HNF4G: variants seen among roughly 807,000 people sequenced by gnomAD.
The protein encoded by HNF4G is hepatocyte nuclear factor 4 gamma.
HNF4G carries 21 observed loss-of-function variants against 50.9 expected under a neutral mutation model. That is an observed-to-expected ratio of 0.41 (90% CI 0.29 to 0.59). The LOEUF is 0.59. Ranked by LOEUF, HNF4G falls within the 20% of genes least tolerant of loss-of-function variation. The pLI, the probability that HNF4G is intolerant of heterozygous loss-of-function variation, is 0.26. For missense variants in HNF4G, 527 were observed against 559.4 expected (o/e 0.94, Z 0.58); for synonymous variants, 198 against 185.6 (o/e 1.07, Z -0.54).
intron 1 of HNF4G, among the ~76,000 whole-genome samples, chr8:75,454,126 T>C (rs1585858278): frequency 8.5e-6 from 1 of 117,330 alleles, no homozygotes; most frequent in Non-Finnish European, 1.7e-5. Context: ...TCTCCTCCTC[T>C]CCCCCACTCC....
rs1563546686 is a variant in HNF4G, at chr8:75,539,972, G to A, written c.10G>A (p.Val4Ile). The A allele has an allele frequency of 7.0e-6, 10 of 1,422,076 alleles. No individual in the cohort carries two copies. In the South Asian group the frequency reaches 9.2e-5, roughly 13 times the overall value. 88.1% of individuals were successfully genotyped at this position (1,422,076 alleles called of 1,614,324 possible). Residue 4 changes from valine to isoleucine, a missense_variant, in exon 1 of 10, where the codon GTA becomes ATA. Val to Ile is a conservative substitution (Grantham distance 29, BLOSUM62 3). Around this residue, in one of 5 missense-constraint regions of HNF4G, gnomAD observed 84 missense variants for 87.1 expected, o/e 0.96. Transcript: ENST00000396423. MMR[V>I]SEPILDMDMA... ...GTGTGTTTCTAAATCAATGATGAGG[G>A]TATCAGAACCAATACTGGACATGGA...
intron 2 of HNF4G, among the ~76,000 whole-genome samples, chr8:75,533,158 C>T (rs950622015): frequency 2.6e-5 from 4 of 152,016 alleles, no homozygotes; most frequent in Admixed American, 2.6e-4. Context: ...TTTATTCACA[C>T]TTTCAGTAAG....
At chr8:75,531,849 A>G (rs547825028) in intron 2 of HNF4G, among the ~76,000 whole-genome samples, 19 of 152,132 alleles carry the variant, frequency 1.2e-4, no homozygotes, top group Non-Finnish European at 2.5e-4. Flanking sequence ...CCACAGGGTT[A>G]CTGAAACTGC....
chr8:75,447,340 C>T (rs1457261961), intron 1 of HNF4G, among the ~76,000 whole-genome samples: 4 of 94,764 alleles, frequency 4.2e-5, no homozygotes, highest in Non-Finnish European at 8.2e-5. Flanking sequence ...TAGAAGAAAA[C>T]CTAGGCATTA....
intron 1 of HNF4G, among the ~76,000 whole-genome samples, chr8:75,465,048 G>C (rs1429636998): frequency 6.6e-6 from 1 of 152,160 alleles, no homozygotes; most frequent in East Asian, 1.9e-4. Flanking sequence ...CTTCAATAGA[G>C]GGAGTAGTCA....
chr8:75,463,787 T>C (rs1811906842), intron 1 of HNF4G, among the ~76,000 whole-genome samples: 1 of 151,702 alleles, frequency 6.6e-6, no homozygotes, highest in South Asian at 2.1e-4. Context: ...TTTTTTTTTT[T>C]TTTTGAGACA....
At position 75,566,707 on chromosome 8, in the gene HNF4G, TA is replaced by T. The variant is rs1807469143; in HGVS notation, c.*2612del. ...AATGTATAATTATTTTTATAAATTT[TA>T]TTGTTGGAAATCAAAAATTAGTAGA... On this transcript the variant is annotated 3_prime_UTR_variant, in exon 10 of 10. Transcript: ENST00000396423. The T allele has an allele frequency of 6.6e-6, 1 of 152,506 alleles. No individual in the cohort carries two copies. The highest frequency in any genetic ancestry group is 1.9e-4 in the East Asian group (1 of 5,192). 9.4% of individuals were successfully genotyped at this position (152,506 alleles called of 1,614,324 possible). A position where few individuals can be genotyped will look rare whatever the true frequency, so the allele number is the denominator to read the frequency against.
At chr8:75,477,629 T>A (rs555165551) in intron 1 of HNF4G, among the ~76,000 whole-genome samples, 3 of 152,030 alleles carry the variant, frequency 2.0e-5, no homozygotes, top group Admixed American at 2.0e-4. Flanking sequence ...CATTTCTTTG[T>A]ATTACTATTT....
chr8:75,554,189 C>G (rs1016443814), intron 5 of HNF4G, among the ~76,000 whole-genome samples: 1 of 152,068 alleles, frequency 6.6e-6, no homozygotes, highest in Non-Finnish European at 1.5e-5. Flanking sequence ...GATAGCATGG[C>G]TCAGAAGGTT....
rs978477055 is a variant in HNF4G, at chr8:75,466,186, C to A, written c.-143-23903C>A. Among the ~76,000 whole-genome samples, 11 of 152,208 alleles carry A rather than the reference C, an allele frequency of 7.2e-5. No individual in the cohort carries two copies. In the East Asian group the frequency reaches 1.5e-3, roughly 21 times the overall value. On this transcript the variant is annotated intron_variant, in intron 1 of 10. Transcript: ENST00000354370. ...TGTCTAACTTCATAATGCTAGAATT[C>A]TGTTCCTTTATACTCATACCAAAAT...
chr8:75,421,564 G>A (rs982233296), intron 1 of HNF4G, among the ~76,000 whole-genome samples: 4 of 152,192 alleles, frequency 2.6e-5, no homozygotes, highest in Admixed American at 2.6e-4. Context: ...AGTTTACACT[G>A]GAGAGTTGAC....
chr8:75,508,561 C>A (rs1805663806), intron 2 of HNF4G, among the ~76,000 whole-genome samples: 1 of 152,074 alleles, frequency 6.6e-6, no homozygotes. Flanking sequence ...CTCGTTTTTT[C>A]AGCTAGTAGG....
chr8:75,455,095 A>G (rs1355346182), intron 1 of HNF4G, among the ~76,000 whole-genome samples: 1 of 152,144 alleles, frequency 6.6e-6, no homozygotes, highest in East Asian at 1.9e-4. Context: ...GTATTATTCT[A>G]TCTCATCAAA....
At chr8:75,451,177 G>A (rs117680870) in intron 1 of HNF4G, among the ~76,000 whole-genome samples, 5 of 151,952 alleles carry the variant, frequency 3.3e-5, no homozygotes, top group East Asian at 1.9e-4. Context: ...CATTTTGGGG[G>A]GATTACTTGT....
intron 2 of HNF4G, among the ~76,000 whole-genome samples, chr8:75,528,542 A>G (rs1806241200): frequency 1.3e-5 from 2 of 152,194 alleles, no homozygotes; most frequent in Admixed American, 6.5e-5. Flanking sequence ...TTGAAAAATG[A>G]GGTCCCTCAT....
Position 75,518,525 on chromosome 8 carries a change from T to C in HNF4G, c.-23-25286T>C, listed in dbSNP as rs1004032987. On this transcript the variant is annotated intron_variant, in intron 2 of 10. Transcript: ENST00000354370. Reference sequence around the variant, plus strand: ...TAAATCATGCTGCTATAAAGACACATGCACACATATGTTTATTGCGGCACT... The same window carrying C: ...TAAATCATGCTGCTATAAAGACACACGCACACATATGTTTATTGCGGCACT... Among the ~76,000 whole-genome samples the C allele has an allele frequency of 2.0e-5, 3 of 152,142 alleles. No homozygotes were observed. The South Asian group carries it at 6.2e-4, about 31-fold the overall frequency.
chr8:75,409,164 A>T (rs1458334614), intron 1 of HNF4G, among the ~76,000 whole-genome samples: 4 of 152,122 alleles, frequency 2.6e-5, no homozygotes, highest in African/African-American at 9.7e-5. Context: ...TGTGGCAAGG[A>T]GAGGGAGGTG....
At chr8:75,523,334 A>G (rs1451935707) in intron 2 of HNF4G, among the ~76,000 whole-genome samples, 1 of 152,198 alleles carries the variant, frequency 6.6e-6, no homozygotes, top group Non-Finnish European at 1.5e-5. Context: ...TTCTCTCTAA[A>G]TCTTCTCCCA....
At chr8:75,550,589 G>A (rs571478351) in intron 3 of HNF4G, among the ~76,000 whole-genome samples, 10 of 151,992 alleles carry the variant, frequency 6.6e-5, no homozygotes, top group Admixed American at 2.0e-4. Context: ...ACCACACTTG[G>A]CCTGATTTTA....
Sources: allele counts gnomAD v4.1 joint callset (sites outside exome capture counted in the v4.1 genomes callset), GRCh38; gene constraint gnomAD v4.1.1; regional missense constraint gnomAD v4.1.1; transcripts MANE v1.5; gene names NCBI Gene and HGNC (gene_info 2026-07-23, HGNC 2026-07-21).